Variants in SERPINB12 observed in about 807,000 individuals in gnomAD.
SERPINB12 encodes the protein serpin family B member 12.
A neutral mutation model predicts 41.1 loss-of-function variants in SERPINB12; 57 were observed. The observed-to-expected ratio is 1.39, with a 90% CI of 1.12 to 1.73. The LOEUF is 1.73. Ranked by LOEUF, SERPINB12 falls within the 40% of genes most tolerant of loss-of-function variation. SERPINB12 has a pLI of 0.00. For synonymous variants in SERPINB12, 180 were observed against 181.3 expected (o/e 0.99, Z 0.06); for missense variants, 536 against 501.9 (o/e 1.07, Z -0.65).
chr18:63,568,773 G>A lies in SERPINB12; in HGVS notation c.*1762G>A, dbSNP rs1256245170. Among the ~76,000 whole-genome samples the A allele has an allele frequency of 6.6e-6, 1 of 152,166 alleles. No homozygotes were observed. Among genetic ancestry groups the A allele is most frequent in the Non-Finnish European group, 1.5e-5 (1 of 68,022 alleles). On this transcript the variant is annotated 3_prime_UTR_variant, in exon 8 of 8. Coordinates refer to ENST00000382768, the MANE Select transcript of SERPINB12 (RefSeq NM_001307928.2). ...GTGAACCACACCTGCTCCCATGCTA[G>A]CCTCCTCTTCCTTTTCTCACCTACC...
chr18:63,567,653 G>T lies in SERPINB12; in HGVS notation c.*642G>T, dbSNP rs756119514. ...AGCACTCATTTTGCACAGAGCAGGG[G>T]AATGATATTTGTCTTGTGATTTTGA... On this transcript the variant is annotated 3_prime_UTR_variant, in exon 8 of 8. Coordinates refer to ENST00000382768, the MANE Select transcript of SERPINB12 (RefSeq NM_001307928.2). 1.3e-5 allele frequency among the ~76,000 whole-genome samples: 2 copies of T among 152,222 alleles called. No individual in the cohort carries two copies. The highest frequency in any genetic ancestry group is 4.8e-5 in the African/African-American group (2 of 41,468).
upstream of SERPINB12, among the ~76,000 whole-genome samples, chr18:63,537,379 CT>C (rs939998608): frequency 8.5e-5 from 13 of 152,104 alleles, no homozygotes; most frequent in Non-Finnish European, 1.9e-4. Context: ...TGGGTTTTCT[CT>C]TTTGGTAAAT....
chr18:63,537,813 A>T (rs1455565), upstream of SERPINB12, among the ~76,000 whole-genome samples: 1 of 151,950 alleles, frequency 6.6e-6, no homozygotes, highest in Non-Finnish European at 1.5e-5. Context: ...CATTTAATTA[A>T]TATTATTCAA....
chr18:63,528,389 G>A, the SERPINB12 span, among the ~76,000 whole-genome samples: 2 of 78,396 alleles, frequency 2.6e-5, no homozygotes, highest in Non-Finnish European at 5.9e-5. Flanking sequence ...TAATCTCTGA[G>A]AGCAATAAAT....
At chr18:63,535,927 T>C in the SERPINB12 span, among the ~76,000 whole-genome samples, 25 of 152,182 alleles carry the variant, frequency 1.6e-4, no homozygotes, top group South Asian at 5.2e-3. Context: ...GATGTGTGTG[T>C]ATATATATGT....
intron 1 of SERPINB12, among the ~76,000 whole-genome samples, chr18:63,547,261 T>C (rs1251760796): frequency 6.6e-6 from 1 of 152,196 alleles, no homozygotes; most frequent in Non-Finnish European, 1.5e-5. Context: ...AACTTTCACA[T>C]ACTTGACATA....
At chr18:63,559,050 C>CTTTCTTTCTTTA (rs1910799570) in intron 3 of SERPINB12, among the ~76,000 whole-genome samples, 3 of 91,592 alleles carry the variant, frequency 3.3e-5, no homozygotes, top group Non-Finnish European at 8.4e-5. Flanking sequence ...TTCTTTCTTT[C>CTTTCTTTCTTTA]TTTCTTTCTC....
chr18:63,544,548 T>C (rs1238397076), intron 1 of SERPINB12, among the ~76,000 whole-genome samples: 1 of 152,204 alleles, frequency 6.6e-6, no homozygotes, highest in Non-Finnish European at 1.5e-5. Flanking sequence ...ATTGCAAGTT[T>C]ACTGCTTTTT....
the SERPINB12 span, among the ~76,000 whole-genome samples, chr18:63,536,520 A>C: frequency 2.0e-5 from 3 of 152,184 alleles, no homozygotes; most frequent in African/African-American, 7.2e-5. Flanking sequence ...GCAAATTTAT[A>C]GGAATTGATA....
At chr18:63,559,471 T>G in intron 3 of SERPINB12, 107 bp from the exon 4 acceptor site, 1 of 1,132,768 alleles carries the variant, frequency 8.8e-7, no homozygotes. Context: ...GCTGACATCT[T>G]ACTAAGAAGC....
intron 1 of SERPINB12, among the ~76,000 whole-genome samples, chr18:63,551,929 G>A (rs1910541058): frequency 1.3e-5 from 2 of 152,162 alleles, no homozygotes; most frequent in Non-Finnish European, 2.9e-5. Context: ...CGCACAGAGA[G>A]GCAATCACTG....
At chr18:63,554,960 TTC>T (rs940693142) in intron 1 of SERPINB12, among the ~76,000 whole-genome samples, 3 of 152,072 alleles carry the variant, frequency 2.0e-5, no homozygotes, top group Non-Finnish European at 1.5e-5. Context: ...GTTCCTCCTT[TTC>T]TCTCTCTCTC....
chr18:63,555,988 T>C (rs897673972), intron 1 of SERPINB12, among the ~76,000 whole-genome samples, 154 bp from the exon 2 acceptor site: 1 of 152,204 alleles, frequency 6.6e-6, no homozygotes, highest in Non-Finnish European at 1.5e-5. Context: ...CCAATATTTA[T>C]ATACAGGGAT....
At position 63,562,210 on chromosome 18, in the gene SERPINB12, G is replaced by A. The variant is rs115489923; in HGVS notation, c.562+1008G>A. Among the ~76,000 whole-genome samples, 500 of 152,200 alleles carry A rather than the reference G, an allele frequency of 3.3e-3. 3 individuals are homozygous for A. The highest frequency in any genetic ancestry group is 0.012 in the African/African-American group (487 of 41,516). On this transcript the variant is annotated intron_variant, in intron 5 of 7. Transcript: ENST00000382768. ...AGAATGCTCCCTTCTACCGGTGCCCGTGTGAATTTGAAAAACAGAATAAAC... is the reference window on the plus strand; with the variant it reads ...AGAATGCTCCCTTCTACCGGTGCCCATGTGAATTTGAAAAACAGAATAAAC...
chr18:63,534,816 G>A, the SERPINB12 span, among the ~76,000 whole-genome samples: 16 of 152,192 alleles, frequency 1.1e-4, no homozygotes, highest in African/African-American at 3.9e-4. Context: ...GGGTGGAGGA[G>A]GAAGCTGTTT....
intron 5 of SERPINB12, among the ~76,000 whole-genome samples, chr18:63,563,470 G>A (rs1336802630): frequency 6.6e-6 from 1 of 152,158 alleles, no homozygotes; most frequent in Non-Finnish European, 1.5e-5. Context: ...GACCCCCTGC[G>A]AGGTGGAGTT....
At chr18:63,529,680 T>C in the SERPINB12 span, among the ~76,000 whole-genome samples, 1 of 152,110 alleles carries the variant, frequency 6.6e-6, no homozygotes, top group Non-Finnish European at 1.5e-5. Context: ...GGTGGAGTGC[T>C]GTGTATGTGT....
At chr18:63,541,716 A>G (rs1025323411), upstream of SERPINB12, among the ~76,000 whole-genome samples, 4 of 152,108 alleles carry the variant, frequency 2.6e-5, no homozygotes, top group Admixed American at 2.0e-4. Context: ...GGTGGGACAG[A>G]GGCAAATGGG....
intron 1 of SERPINB12, among the ~76,000 whole-genome samples, chr18:63,546,288 C>T (rs139042050): frequency 1.9e-3 from 291 of 152,262 alleles, no homozygotes; most frequent in African/African-American, 6.7e-3. Flanking sequence ...CCTAGTTGCT[C>T]CACACTTTTT....
Sources: gnomAD v4.1 joint callset for allele counts (sites outside exome capture counted in the v4.1 genomes callset) on GRCh38, gnomAD v4.1.1 for gene constraint, MANE v1.5 for transcripts, NCBI Gene and HGNC (gene_info 2026-07-23, HGNC 2026-07-21) for gene names.